The following SLC8A1 variants were observed in gnomAD, a reference collection of about 807,000 sequenced individuals.
SLC8A1 encodes sodium/calcium exchanger 1.
Under a neutral mutation model 68.3 loss-of-function variants are expected in SLC8A1, and 18 were observed. The observed-to-expected ratio is 0.26, with a 90% CI of 0.18 to 0.39. The LOEUF is 0.39. Among genes scored for constraint, SLC8A1 ranks in the 10% least tolerant of loss-of-function variants. SLC8A1 has a pLI of 1.00. For missense variants in SLC8A1, 985 were observed against 1,156.7 expected, an observed-to-expected ratio of 0.85 and a Z score of 2.15; for synonymous variants, 475 against 415.5, an observed-to-expected ratio of 1.14 and a Z score of -1.74.
At chr2:40,419,584 G>A (rs984248425) in intron 2 of SLC8A1, among the ~76,000 whole-genome samples, 2 of 151,772 alleles carry the variant, frequency 1.3e-5, no homozygotes, top group South Asian at 2.1e-4. Flanking sequence ...CTCTCTGTCA[G>A]GTGATATACA....
At chr2:40,178,568 C>T (rs1429156561) in intron 2 of SLC8A1, 75 bp from the exon 3 acceptor site, 5 of 1,231,586 alleles carry the variant, frequency 4.1e-6, no homozygotes, top group Non-Finnish European at 5.8e-6. Context: ...AAGAGGAAAG[C>T]AAGGTTAACC....
intron 5 of SLC8A1, 32 bp from the exon 9 acceptor site, chr2:40,160,896 T>C (rs2045558082): frequency 6.5e-7 from 1 of 1,538,582 alleles, no homozygotes; most frequent in South Asian, 1.1e-5. Context: ...ATATAAATGC[T>C]GGGTTCGCTA....
intron 6 of SLC8A1, among the ~76,000 whole-genome samples, chr2:40,149,671 A>G (rs1372860737): frequency 2.0e-5 from 3 of 152,206 alleles, no homozygotes; most frequent in Non-Finnish European, 2.9e-5. Flanking sequence ...TGGGAATCCC[A>G]ACTTCAATTT....
chr2:40,478,561 G>A (rs1002521836), intron 1 of SLC8A1, among the ~76,000 whole-genome samples: 3 of 152,074 alleles, frequency 2.0e-5, no homozygotes, highest in African/African-American at 7.2e-5. Context: ...AAAAGCTCAG[G>A]TAGTTTTTTC....
intron 2 of SLC8A1, among the ~76,000 whole-genome samples, chr2:40,316,294 A>G (rs2074437912): frequency 6.6e-6 from 1 of 152,040 alleles, no homozygotes; most frequent in South Asian, 2.1e-4. Flanking sequence ...TGGATGTTGA[A>G]AAGAAATTTA....
chr2:40,213,852 G>C (rs937660724), intron 2 of SLC8A1, among the ~76,000 whole-genome samples: 10 of 152,258 alleles, frequency 6.6e-5, no homozygotes, highest in African/African-American at 2.4e-4. Flanking sequence ...AGCTTGCTTT[G>C]GGTGTTCCAA....
chr2:40,206,553 C>T (rs2148743911), intron 2 of SLC8A1, among the ~76,000 whole-genome samples: 1 of 152,086 alleles, frequency 6.6e-6, no homozygotes, highest in Non-Finnish European at 1.5e-5. Flanking sequence ...CATATCTAGG[C>T]TGCAGAAATT....
chr2:40,149,865 G>A (rs1184885276), intron 6 of SLC8A1, among the ~76,000 whole-genome samples: 2 of 152,084 alleles, frequency 1.3e-5, no homozygotes, highest in Non-Finnish European at 2.9e-5. Flanking sequence ...TCACCAAGAA[G>A]CCCATTGGTC....
chr2:40,284,158 T>TC (rs1247134625), intron 2 of SLC8A1, among the ~76,000 whole-genome samples: 1 of 151,928 alleles, frequency 6.6e-6, no homozygotes, highest in Non-Finnish European at 1.5e-5. Context: ...GCTTTCTCTC[T>TC]CTCTAGATAT....
At chr2:40,109,975 C>A (rs902525264) in exon 8 of SLC8A1, 1 of 152,080 alleles carries the variant, frequency 6.6e-6, no homozygotes, top group Non-Finnish European at 1.5e-5. Flanking sequence ...ACAAAATAAA[C>A]AATAATTTAC....
At chr2:40,505,755 T>C (rs1247383281) in intron 1 of SLC8A1, among the ~76,000 whole-genome samples, 1 of 152,010 alleles carries the variant, frequency 6.6e-6, no homozygotes, top group Non-Finnish European at 1.5e-5. Flanking sequence ...TTTGGAGTAC[T>C]GGTGTTAAAG....
intron 2 of SLC8A1, among the ~76,000 whole-genome samples, chr2:40,380,690 C>A (rs540880742): frequency 1.5e-4 from 23 of 151,960 alleles, no homozygotes; most frequent in Non-Finnish European, 2.8e-4. Context: ...ACACTTACTG[C>A]GATTTCAAAG....
At chr2:40,252,843 T>A (rs1244250733) in intron 2 of SLC8A1, among the ~76,000 whole-genome samples, 16 of 114,878 alleles carry the variant, frequency 1.4e-4, no homozygotes, top group Admixed American at 3.0e-4. Flanking sequence ...TGTGTATACA[T>A]ATATGTATAT....
intron 2 of SLC8A1, among the ~76,000 whole-genome samples, chr2:40,324,674 C>G (rs1337143549): frequency 6.6e-6 from 1 of 152,072 alleles, no homozygotes; most frequent in East Asian, 1.9e-4. Flanking sequence ...CCTTTCCCTT[C>G]CCTTCCTTCT....
chr2:40,118,715 C>A (rs1337097739), intron 7 of SLC8A1, among the ~76,000 whole-genome samples: 1 of 140,236 alleles, frequency 7.1e-6, no homozygotes, highest in Non-Finnish European at 1.5e-5. Context: ...TCAGGTACAG[C>A]TGAGAAACAC....
intron 2 of SLC8A1, among the ~76,000 whole-genome samples, chr2:40,282,656 T>C (rs916755391): frequency 1.3e-5 from 2 of 152,170 alleles, no homozygotes; most frequent in Non-Finnish European, 2.9e-5. Context: ...AATAAAAACA[T>C]GACGTAGCTT....
intron 6 of SLC8A1, among the ~76,000 whole-genome samples, chr2:40,150,972 A>G (rs909386433): frequency 3.3e-5 from 5 of 152,272 alleles, no homozygotes; most frequent in African/African-American, 1.2e-4. Flanking sequence ...AATATCTCCC[A>G]TAAATAGTTT....
chr2:40,510,649 T>C (rs1387748949), intron 1 of SLC8A1, among the ~76,000 whole-genome samples: 1 of 152,198 alleles, frequency 6.6e-6, no homozygotes, highest in Non-Finnish European at 1.5e-5. Flanking sequence ...GCAAAAGTTA[T>C]GACAGCTTGT....
At chr2:40,298,703 G>A (rs1478477047) in intron 2 of SLC8A1, among the ~76,000 whole-genome samples, 3 of 152,126 alleles carry the variant, frequency 2.0e-5, no homozygotes, top group African/African-American at 7.2e-5. Context: ...GGTAACATAC[G>A]TGCTGTAAGG....
Sources: gnomAD v4.1 joint callset for allele counts (sites outside exome capture counted in the v4.1 genomes callset) on GRCh38, gnomAD v4.1.1 for gene constraint, MANE v1.5 for transcripts, NCBI Gene and HGNC (gene_info 2026-07-23, HGNC 2026-07-21) for gene names.